Variants in LTBP1 observed in about 807,000 individuals in gnomAD.
LTBP1 encodes latent-transforming growth factor beta-binding protein 1.
A neutral mutation model predicts 207.6 loss-of-function variants in LTBP1; 129 were observed. That is an observed-to-expected ratio of 0.62 (90% confidence interval 0.54 to 0.72). The LOEUF (loss-of-function observed/expected upper bound fraction) is 0.72, where lower values mean the gene tolerates loss of function less well. LTBP1 is among the 30% of genes least tolerant of loss of function. The pLI is 0.00. For synonymous variants in LTBP1, 963 were observed against 833.7 expected (o/e 1.16, Z -2.67); for missense variants, 2,281 against 2,217.2 (o/e 1.03, Z -0.58).
intron 20 of LTBP1, among the ~76,000 whole-genome samples, chr2:33,294,905 G>T (rs544077203): frequency 7.5e-5 from 11 of 147,424 alleles, no homozygotes; most frequent in South Asian, 2.2e-4. Context: ...TTACTATTTG[G>T]TTTTTTTTTT....
At chr2:33,083,759 T>C (rs1345505790) in intron 3 of LTBP1, among the ~76,000 whole-genome samples, 2 of 152,182 alleles carry the variant, frequency 1.3e-5, no homozygotes, top group Non-Finnish European at 2.9e-5. Context: ...CATTGCAGAA[T>C]GTTACCATTT....
intron 26 of LTBP1, among the ~76,000 whole-genome samples, chr2:33,348,884 C>T (rs530729797): frequency 3.4e-4 from 51 of 152,154 alleles, no homozygotes; most frequent in Non-Finnish European, 5.9e-4. Flanking sequence ...TGTATAGCTC[C>T]TGGCAGCTTT....
chr2:33,046,705 A>T (rs1403308982), intron 3 of LTBP1, among the ~76,000 whole-genome samples: 1 of 151,930 alleles, frequency 6.6e-6, no homozygotes, highest in Non-Finnish European at 1.5e-5. Flanking sequence ...TCCTTTTTGT[A>T]CCTCTGGTAG....
intron 22 of LTBP1, among the ~76,000 whole-genome samples, chr2:33,307,205 C>G (rs763954908): frequency 6.6e-6 from 1 of 152,188 alleles, no homozygotes; most frequent in Non-Finnish European, 1.5e-5. Context: ...AATGTAATTG[C>G]TACAGCCACT....
intron 10 of LTBP1, among the ~76,000 whole-genome samples, chr2:33,246,740 A>AC (rs1426695946): frequency 4.0e-5 from 6 of 151,540 alleles, no homozygotes; most frequent in Non-Finnish European, 7.4e-5. Context: ...ACTGAGATGA[A>AC]CCCCCCAGAA....
chr2:33,104,928 C>T (rs1180693828), intron 3 of LTBP1, among the ~76,000 whole-genome samples: 1 of 152,152 alleles, frequency 6.6e-6, no homozygotes, highest in Non-Finnish European at 1.5e-5. Flanking sequence ...CAAAAATATC[C>T]TTCCAGTGGG....
intron 7 of LTBP1, among the ~76,000 whole-genome samples, chr2:33,191,317 A>G (rs1313633050): frequency 4.6e-5 from 7 of 152,236 alleles, no homozygotes; most frequent in Non-Finnish European, 1.5e-5. Context: ...TTACCCAAAT[A>G]ATTAAAACTC....
At chr2:33,254,287 T>C (rs1436247531) in intron 11 of LTBP1, among the ~76,000 whole-genome samples, 2 of 152,152 alleles carry the variant, frequency 1.3e-5, no homozygotes, top group African/African-American at 2.4e-5. Flanking sequence ...ATTTTGTGTC[T>C]GTATAATGTG....
chr2:33,354,640 T>A (rs1387472101), intron 26 of LTBP1, among the ~76,000 whole-genome samples: 2 of 151,178 alleles, frequency 1.3e-5, no homozygotes, highest in African/African-American at 4.9e-5. Context: ...ATATCAGTGT[T>A]TTAATGAACT....
chr2:33,206,137 T>C (rs1336623827), intron 7 of LTBP1, among the ~76,000 whole-genome samples: 10 of 152,218 alleles, frequency 6.6e-5, no homozygotes, highest in Admixed American at 1.3e-4. Flanking sequence ...TGGATGTTTC[T>C]GCCAGAAGAG....
intron 5 of LTBP1, among the ~76,000 whole-genome samples, chr2:33,145,604 T>A (rs1382854552): frequency 6.6e-6 from 1 of 152,338 alleles, no homozygotes; most frequent in South Asian, 2.1e-4. Context: ...AAAGGATGAT[T>A]TATGAGTCCT....
chr2:33,192,805 A>G (rs545753282), intron 7 of LTBP1, among the ~76,000 whole-genome samples: 3 of 152,322 alleles, frequency 2.0e-5, no homozygotes, highest in South Asian at 4.1e-4. Flanking sequence ...AGATGCCAGC[A>G]TGTGACCAGG....
At chr2:33,280,655 A>G (rs900630786) in intron 19 of LTBP1, among the ~76,000 whole-genome samples, 4 of 152,212 alleles carry the variant, frequency 2.6e-5, no homozygotes, top group Non-Finnish European at 5.9e-5. Flanking sequence ...ATTTGTGTCT[A>G]CCATGTAATC....
rs529626085 is a variant in LTBP1, at chr2:33,113,964, C to T, written c.1033+3213C>T. On this transcript the variant is annotated intron_variant, in intron 4 of 33. Coordinates refer to ENST00000404816, the MANE Select transcript of LTBP1 (RefSeq NM_206943.4). ...CAAGTGATTCTCCTGCCTCAGCCTT[C>T]TGGGTAGCTGGGATTACAGGTGTGT... 3.9e-4 allele frequency among the ~76,000 whole-genome samples: 59 copies of T among 152,340 alleles called. 2 individuals carry two copies. Among genetic ancestry groups the T allele is most frequent in the Admixed American group, 3.8e-3 (58 of 15,302 alleles).
At chr2:33,055,610 C>T (rs1336049160) in intron 3 of LTBP1, among the ~76,000 whole-genome samples, 2 of 152,194 alleles carry the variant, frequency 1.3e-5, no homozygotes, top group Non-Finnish European at 2.9e-5. Flanking sequence ...GCTAAAGCCG[C>T]ATTCTTTTCG....
intron 5 of LTBP1, among the ~76,000 whole-genome samples, chr2:33,185,820 A>T (rs973513940): frequency 2.0e-5 from 3 of 152,234 alleles, no homozygotes; most frequent in Non-Finnish European, 1.5e-5. Flanking sequence ...AAGTCAACAA[A>T]CAATTATGGT....
At chr2:32,982,944 T>A (rs1205330281) in intron 2 of LTBP1, among the ~76,000 whole-genome samples, 2 of 151,954 alleles carry the variant, frequency 1.3e-5, no homozygotes, top group Non-Finnish European at 2.9e-5. Flanking sequence ...CCACACAGAG[T>A]CACCACTGGG....
chr2:33,368,643 G>A (rs924699265), intron 31 of LTBP1, among the ~76,000 whole-genome samples: 5 of 152,234 alleles, frequency 3.3e-5, no homozygotes, highest in East Asian at 3.9e-4. Flanking sequence ...TTGGGAGGCC[G>A]AGGTGGGTGG....
At chr2:33,252,160 T>C (rs1355467504) in intron 10 of LTBP1, among the ~76,000 whole-genome samples, 2 of 152,198 alleles carry the variant, frequency 1.3e-5, no homozygotes, top group Non-Finnish European at 2.9e-5. Flanking sequence ...CCCATTCATG[T>C]TCACTGGCGT....
Sources: gnomAD v4.1 joint callset for allele counts (sites outside exome capture counted in the v4.1 genomes callset) on GRCh38, gnomAD v4.1.1 for gene constraint, MANE v1.5 for transcripts, NCBI Gene and HGNC (gene_info 2026-07-23, HGNC 2026-07-21) for gene names.